Variants in RXFP1 observed in about 807,000 individuals in gnomAD.
The protein encoded by RXFP1 is relaxin family peptide receptor 1.
A neutral mutation model predicts 89.8 loss-of-function variants in RXFP1; 73 were observed. The ratio of observed to expected loss-of-function variants is 0.81; its 90% CI spans 0.67 to 0.99. The LOEUF is 0.99. Among genes scored for constraint, RXFP1 ranks in the 50% least tolerant of loss-of-function variants. The pLI is 0.00. For synonymous variants in RXFP1, 277 were observed against 305.5 expected (o/e 0.91, Z 0.97); for missense variants, 793 against 895.5 (o/e 0.89, Z 1.46).
chr4:158,606,600 A>G (rs1762570952), intron 5 of RXFP1, among the ~76,000 whole-genome samples: 1 of 152,034 alleles, frequency 6.6e-6, no homozygotes. Context: ...ATTTTTTTTT[A>G]AGAGACAGGG....
At chr4:158,533,592 T>C (rs578059242) in intron 1 of RXFP1, among the ~76,000 whole-genome samples, 1 of 152,334 alleles carries the variant, frequency 6.6e-6, no homozygotes, top group South Asian at 2.1e-4. Flanking sequence ...AGAATTGGAA[T>C]TTTCAAAACT....
At chr4:158,541,657 A>G (rs1024549597) in intron 1 of RXFP1, among the ~76,000 whole-genome samples, 1 of 152,000 alleles carries the variant, frequency 6.6e-6, no homozygotes, top group Non-Finnish European at 1.5e-5. Flanking sequence ...ACTTTTCCCC[A>G]TTTACTTTAT....
chr4:158,543,007 G>A (rs1747203468), intron 1 of RXFP1, among the ~76,000 whole-genome samples: 1 of 152,078 alleles, frequency 6.6e-6, no homozygotes, highest in Non-Finnish European at 1.5e-5. Flanking sequence ...TAACTATTGG[G>A]TATTAGGTTT....
intron 12 of RXFP1, among the ~76,000 whole-genome samples, chr4:158,633,785 A>G (rs1768580042): frequency 6.6e-6 from 1 of 152,172 alleles, no homozygotes; most frequent in Non-Finnish European, 1.5e-5. Flanking sequence ...ATCATGGAAT[A>G]TTTATCTTTT....
rs60014317 is a variant in RXFP1 at position 158,583,821 on chromosome 4, A to G, written c.188-9580A>G. Among the ~76,000 whole-genome samples, 576 of 152,308 alleles carry G rather than the reference A, an allele frequency of 3.8e-3. 4 individuals are homozygous for G. Among genetic ancestry groups the G allele is most frequent in the African/African-American group, 0.013 (549 of 41,570 alleles). On this transcript the variant is annotated intron_variant, in intron 2 of 17. Transcript: ENST00000307765. ...AAAAGGTAATTTGTTAGTGGCCTCA[A>G]TTTCCTTTAAAGGATGCCCAGGATA...
intron 1 of RXFP1, among the ~76,000 whole-genome samples, chr4:158,560,896 A>G (rs892436077): frequency 4.6e-5 from 7 of 152,212 alleles, no homozygotes; most frequent in Non-Finnish European, 8.8e-5. Flanking sequence ...GCTGGGAAAG[A>G]AAGTATTTTG....
At position 158,544,209 on chromosome 4, in the gene RXFP1, C is replaced by G. The variant is rs532503997; in HGVS notation, c.49+22184C>G. 2.7e-5 allele frequency: 27 copies of G among 985,332 alleles called. No individual in the cohort carries two copies. The South Asian group carries it at 3.8e-4, about 14-fold the overall frequency. 61.0% of individuals were successfully genotyped at this position (985,332 alleles called of 1,614,324 possible). The stretch of plus-strand genomic sequence containing the variant: ...GAACCGCAAGTCTGAGTTTATAAAG[C>G]TGCCATCTCCAATATGTCTGTTGAG... On this transcript the variant is annotated intron_variant, in intron 1 of 17. Coordinates refer to ENST00000307765, the MANE Select transcript of RXFP1 (RefSeq NM_021634.4).
chr4:158,544,270 G>A (rs1747617430), intron 1 of RXFP1: 1 of 985,188 alleles, frequency 1.0e-6, no homozygotes, highest in Non-Finnish European at 1.2e-6. Flanking sequence ...GTTTGTTTCT[G>A]ACCTTGTGGG....
chr4:158,560,895 G>T (rs1051186337), intron 1 of RXFP1, among the ~76,000 whole-genome samples: 3 of 152,232 alleles, frequency 2.0e-5, no homozygotes, highest in African/African-American at 7.2e-5. Flanking sequence ...AGCTGGGAAA[G>T]AAAGTATTTT....
intron 6 of RXFP1, 32 bp downstream of exon 6, chr4:158,608,075 C>G: frequency 1.4e-6 from 2 of 1,409,732 alleles, no homozygotes; most frequent in East Asian, 4.6e-5. Context: ...TTTGCCCATT[C>G]CATGGTAGTC....
At chr4:158,530,886 A>G (rs1743864425) in intron 1 of RXFP1, among the ~76,000 whole-genome samples, 1 of 152,166 alleles carries the variant, frequency 6.6e-6, no homozygotes, top group African/African-American at 2.4e-5. Flanking sequence ...TCATTTGTCT[A>G]TCAAATCCAT....
chr4:158,615,255 G>A (rs1341686343), intron 8 of RXFP1, among the ~76,000 whole-genome samples: 1 of 152,154 alleles, frequency 6.6e-6, no homozygotes, highest in African/African-American at 2.4e-5. Context: ...TAGCTGTCTT[G>A]GCTGGGTGGG....
chr4:158,577,693 T>C (rs145217031), intron 2 of RXFP1, among the ~76,000 whole-genome samples: 1,854 of 152,152 alleles, frequency 0.012, 20 homozygotes, highest in Non-Finnish European at 0.02. Context: ...ATAAGTCAAA[T>C]GGAAATTGTA....
chr4:158,523,394 C>G, intron 1 of RXFP1, among the ~76,000 whole-genome samples: 1 of 152,208 alleles, frequency 6.6e-6, no homozygotes, highest in East Asian at 1.9e-4. Context: ...GGTTGGGAAG[C>G]AACTTTGGCC....
chr4:158,550,923 C>G (rs1424787079), intron 1 of RXFP1, among the ~76,000 whole-genome samples: 1 of 151,728 alleles, frequency 6.6e-6, no homozygotes, highest in Non-Finnish European at 1.5e-5. Context: ...TAAAGTGAAA[C>G]AAGGCATGCA....
intron 2 of RXFP1, among the ~76,000 whole-genome samples, chr4:158,574,441 C>A (rs1755798855): frequency 6.6e-6 from 1 of 151,778 alleles, no homozygotes; most frequent in Non-Finnish European, 1.5e-5. Context: ...GAGCTAATTT[C>A]TTGAATGTAA....
intron 14 of RXFP1, among the ~76,000 whole-genome samples, chr4:158,643,151 A>G (rs11100192): frequency 0.044 from 6,699 of 152,222 alleles, 641 homozygotes; most frequent in East Asian, 0.43. Flanking sequence ...CATGTTGAAC[A>G]TGCTTGGCCC....
At chr4:158,646,414 A>C in intron 15 of RXFP1, 1 of 1,097,038 alleles carries the variant, frequency 9.1e-7, no homozygotes, top group Non-Finnish European at 1.2e-6. Flanking sequence ...GGAAGAGCAG[A>C]ACCAAGTAAT....
intron 17 of RXFP1, 101 bp downstream of exon 17, chr4:158,648,818 A>G (rs1013146903): frequency 2.6e-6 from 2 of 760,484 alleles, no homozygotes; most frequent in Non-Finnish European, 4.1e-6. Context: ...CAATTCAAAG[A>G]ATTGTACATC....
Sources: allele counts gnomAD v4.1 joint callset (sites outside exome capture counted in the v4.1 genomes callset), GRCh38; gene constraint gnomAD v4.1.1; transcripts MANE v1.5; gene names NCBI Gene and HGNC (gene_info 2026-07-23, HGNC 2026-07-21).